Variants in DAGLA observed in about 807,000 individuals in gnomAD.
DAGLA encodes diacylglycerol lipase-alpha.
In DAGLA, 22 loss-of-function variants were observed where a neutral mutation model predicts 102.6. That is an observed-to-expected ratio of 0.21 (90% confidence interval 0.15 to 0.31). The LOEUF (loss-of-function observed/expected upper bound fraction) is 0.31, where lower values mean the gene tolerates loss of function less well. Ranked by LOEUF, DAGLA falls within the 10% of genes least tolerant of loss-of-function variation. The pLI is 1.00. For synonymous variants in DAGLA, 578 were observed against 628.9 expected (o/e 0.92, Z 1.21); for missense variants, 927 against 1,446.6 (o/e 0.64, Z 5.83).
chr11:61,696,770 G>T (rs890159312), intron 1 of DAGLA, among the ~76,000 whole-genome samples: 3 of 152,196 alleles, frequency 2.0e-5, no homozygotes, highest in Admixed American at 6.5e-5. Flanking sequence ...GCAGCGGCAG[G>T]CACTGTCAGT....
chr11:61,722,705 G>A (rs898824561), intron 3 of DAGLA, among the ~76,000 whole-genome samples, 154 bp from the exon 4 acceptor site: 3 of 152,198 alleles, frequency 2.0e-5, no homozygotes, highest in Non-Finnish European at 4.4e-5. Flanking sequence ...CCTGGGAGGC[G>A]GGGGGTGGGG....
At chr11:61,741,897 C>T (rs1466881280) in intron 19 of DAGLA, among the ~76,000 whole-genome samples, 1 of 152,210 alleles carries the variant, frequency 6.6e-6, no homozygotes, top group Non-Finnish European at 1.5e-5. Flanking sequence ...TAGGGGTGAA[C>T]CACCATGGCC....
At chr11:61,714,867 C>T (rs972910732) in intron 1 of DAGLA, among the ~76,000 whole-genome samples, 3 of 152,146 alleles carry the variant, frequency 2.0e-5, no homozygotes, top group African/African-American at 4.8e-5. Context: ...TCTTGATCCT[C>T]GGATGGTGTC....
At chr11:61,728,494 A>G (rs1235375619) in intron 7 of DAGLA, among the ~76,000 whole-genome samples, 2 of 151,622 alleles carry the variant, frequency 1.3e-5, no homozygotes, top group African/African-American at 4.9e-5. Context: ...CGTGACTACT[A>G]CTCTAGGGAC....
intron 1 of DAGLA, among the ~76,000 whole-genome samples, chr11:61,689,041 G>A (rs913385931): frequency 1.3e-5 from 2 of 152,276 alleles, no homozygotes; most frequent in Admixed American, 6.5e-5. Flanking sequence ...TGGAAATTGT[G>A]GCCAGGCTAC....
chr11:61,700,792 C>G (rs1262969063), intron 1 of DAGLA, among the ~76,000 whole-genome samples: 1 of 152,218 alleles, frequency 6.6e-6, no homozygotes, highest in African/African-American at 2.4e-5. Flanking sequence ...ACCTGGGACA[C>G]ACCCAGAGAG....
At chr11:61,729,084 T>G in intron 8 of DAGLA, 76 bp downstream of exon 8, 2 of 1,319,882 alleles carry the variant, frequency 1.5e-6, no homozygotes, top group Non-Finnish European at 2.2e-6. Context: ...AGCAAACTCC[T>G]CCCAGCTGCC....
chr11:61,682,514 T>C (rs1219170117), intron 1 of DAGLA, among the ~76,000 whole-genome samples: 1 of 152,050 alleles, frequency 6.6e-6, no homozygotes, highest in East Asian at 1.9e-4. Context: ...GTCCTGAGCA[T>C]GGCCCCGGCA....
At position 61,744,166 on chromosome 11, in the gene DAGLA, A is replaced by G; in HGVS notation, c.2806A>G (p.Met936Val). 1 of 1,613,014 alleles carries G rather than the reference A, an allele frequency of 6.2e-7. No individual in the cohort carries two copies. Among genetic ancestry groups the G allele is most frequent in the Non-Finnish European group, 8.5e-7 (1 of 1,179,950 alleles). The change falls in exon 20 of 20, where the codon ATG becomes GTG. Residue 936 changes from methionine (M) to valine (V), a missense_variant. Met to Val is a conservative substitution (Grantham distance 21). Around this residue, in one of 4 missense-constraint regions of DAGLA, gnomAD observed 434 missense variants for 503.3 expected, o/e 0.86. Transcript: ENST00000257215. ...KSSSFQDLYC[M>V]VVPESPTSDY... ...CAGCTCCTTCCAAGACCTCTACTGCATGGTGGTGCCCGAGAGCCCCACCAG... is the reference window on the plus strand; with the variant it reads ...CAGCTCCTTCCAAGACCTCTACTGCGTGGTGGTGCCCGAGAGCCCCACCAG...
intron 1 of DAGLA, among the ~76,000 whole-genome samples, chr11:61,685,079 T>G (rs1191600588): frequency 6.6e-6 from 1 of 152,060 alleles, no homozygotes; most frequent in Non-Finnish European, 1.5e-5. Context: ...GGAAGTCAGC[T>G]GGGGACAGTC....
chr11:61,732,482 T>G (rs1047959304), intron 9 of DAGLA, among the ~76,000 whole-genome samples: 15 of 152,340 alleles, frequency 9.8e-5, no homozygotes, highest in Admixed American at 9.1e-4. Flanking sequence ...CATTACTCAC[T>G]GGTGGTGTGG....
In DAGLA at chr11:61,744,571, C is replaced by A; in HGVS notation, c.*82C>A. ...CTGGTGCCTGCCCCCTGCCGGGCAG[C>A]TTTAAGGACAGACCCCCAGGGGCAG... On this transcript the variant is annotated 3_prime_UTR_variant, in exon 20 of 20. Transcript: ENST00000257215. 2.4e-6 allele frequency: 3 copies of A among 1,259,748 alleles called. No homozygotes were observed. The highest frequency in any genetic ancestry group is 2.2e-6 in the Non-Finnish European group (2 of 913,804). The allele number at this position is 1,259,748 out of a possible 1,614,324, so 78.0% of individuals were successfully genotyped here. A position where few individuals can be genotyped will look rare whatever the true frequency, so the allele number is the denominator to read the frequency against.
At chr11:61,687,054 C>A (rs1402499047) in intron 1 of DAGLA, among the ~76,000 whole-genome samples, 4 of 152,194 alleles carry the variant, frequency 2.6e-5, no homozygotes, top group South Asian at 2.1e-4. Flanking sequence ...CTTCCATTTT[C>A]TGAATGTGGA....
intron 1 of DAGLA, among the ~76,000 whole-genome samples, chr11:61,717,936 G>A (rs1338878892): frequency 6.6e-6 from 1 of 152,200 alleles, no homozygotes; most frequent in African/African-American, 2.4e-5. Context: ...CTTCCAGCCT[G>A]AGAGCTGAAG....
At chr11:61,707,599 C>T (rs925638518) in intron 1 of DAGLA, among the ~76,000 whole-genome samples, 6 of 152,268 alleles carry the variant, frequency 3.9e-5, no homozygotes, top group African/African-American at 7.2e-5. Flanking sequence ...AAGTGGGTCA[C>T]GGGCTTACCT....
chr11:61,741,592 A>T (rs2065480341), intron 19 of DAGLA, among the ~76,000 whole-genome samples: 1 of 151,448 alleles, frequency 6.6e-6, no homozygotes, highest in Admixed American at 6.6e-5. Flanking sequence ...TGGGCCACAA[A>T]AGCACAGATT....
At chr11:61,693,832 A>ACCGCTTCTC (rs1165238272) in intron 1 of DAGLA, among the ~76,000 whole-genome samples, 1 of 152,128 alleles carries the variant, frequency 6.6e-6, no homozygotes, top group African/African-American at 2.4e-5. Flanking sequence ...AGGGCTTCAC[A>ACCGCTTCTC]CCGCTTCTCC....
In DAGLA at chr11:61,746,324, C is replaced by G. The variant is rs2065538570; in HGVS notation, c.*1835C>G. ...CAGAAGCAAGACAAAATCAGTGGCT[C>G]TTAGAGTTTAGAAAACAAGACAGAC... On this transcript the variant is annotated 3_prime_UTR_variant, in exon 20 of 20. Coordinates refer to ENST00000257215, the MANE Select transcript of DAGLA (RefSeq NM_006133.3). The G allele has an allele frequency of 6.6e-6, 1 of 152,478 alleles. No homozygotes were observed. Among genetic ancestry groups the G allele is most frequent in the South Asian group, 2.1e-4 (1 of 4,834 alleles). The allele number at this position is 152,478 out of a possible 1,614,324, so 9.4% of individuals were successfully genotyped here.
chr11:61,742,763 T>C (rs1043857838), intron 19 of DAGLA, among the ~76,000 whole-genome samples: 1 of 151,528 alleles, frequency 6.6e-6, no homozygotes, highest in African/African-American at 2.4e-5. Context: ...TGCTGCCCTC[T>C]GTCCCTCCCT....
Sources: allele counts gnomAD v4.1 joint callset (sites outside exome capture counted in the v4.1 genomes callset), GRCh38; gene constraint gnomAD v4.1.1; regional missense constraint gnomAD v4.1.1; transcripts MANE v1.5; gene names NCBI Gene and HGNC (gene_info 2026-07-23, HGNC 2026-07-21).